Variants in KLHL42 observed in about 807,000 individuals in gnomAD.
KLHL42 encodes the protein kelch like family member 42.
KLHL42 carries 27 observed loss-of-function variants against 32.7 expected under a neutral mutation model. The observed-to-expected ratio is 0.83, with a 90% CI of 0.61 to 1.14. The LOEUF is 1.14. Ranked by LOEUF, KLHL42 falls within the 50% of genes most tolerant of loss-of-function variation. The pLI is 0.00. For missense variants in KLHL42, 491 were observed against 560.8 expected, an observed-to-expected ratio of 0.88 and a Z score of 1.26; for synonymous variants, 267 against 248.2, an observed-to-expected ratio of 1.08 and a Z score of -0.71.
rs75317474 is a variant in KLHL42, at chr12:27,780,772, G to A, written c.442G>A (p.Ala148Thr). 2 of 1,611,906 alleles carry A rather than the reference G, an allele frequency of 1.2e-6. No individual in the cohort carries two copies. The change falls in exon 1 of 3, where the codon GCC becomes ACC. Residue 148 changes from alanine to threonine, a missense_variant. Ala to Thr is a moderately conservative substitution (Grantham distance 58). This residue lies in a region of KLHL42 where 248 missense variants were observed against 329.2 expected (regional missense o/e 0.75). Coordinates refer to ENST00000381271, the MANE Select transcript of KLHL42 (RefSeq NM_020782.2). The surrounding 1 kb of genome is among the most constrained non-coding windows in gnomAD (Gnocchi z 8.8). Reference protein sequence around the residue: ...QVYGLPDLQEACLRFMVVHFH... With the variant: ...QVYGLPDLQETCLRFMVVHFH... ...GTACGGGCTGCCCGACCTGCAGGAG[G>A]CCTGCCTGCGCTTCATGGTCGTCCA...
rs952180996 is a variant in KLHL42 at position 27,799,287 on chromosome 12, T to C, written c.*1121T>C. 1.3e-5 allele frequency: 2 copies of C among 152,222 alleles called. No homozygotes were observed. Among genetic ancestry groups the C allele is most frequent in the African/African-American group, 2.4e-5 (1 of 41,450 alleles). The allele number at this position is 152,222 out of a possible 1,614,324, so 9.4% of individuals were successfully genotyped here. Reference sequence around the variant, plus strand: ...GTGCTTTACTTGCCTTGGTTGTTAATTGAAATAGAATTCAGCTCAAGCAGT... The same window carrying C: ...GTGCTTTACTTGCCTTGGTTGTTAACTGAAATAGAATTCAGCTCAAGCAGT... On this transcript the variant is annotated 3_prime_UTR_variant, in exon 3 of 3. Coordinates refer to ENST00000381271, the MANE Select transcript of KLHL42 (RefSeq NM_020782.2).
At chr12:27,787,494 C>CA (rs552199790) in intron 1 of KLHL42, 125 of 113,406 alleles carry the variant, frequency 1.1e-3, no homozygotes, top group East Asian at 6.2e-3. Context: ...GACTTTGTCT[C>CA]AAAAAAAAAA....
rs2062241164 is a variant in KLHL42, at chr12:27,800,388, T to C, written c.*2222T>C. The C allele has an allele frequency of 1.5e-5, 14 of 964,748 alleles. No individual in the cohort carries two copies. Among genetic ancestry groups the C allele is most frequent in the Non-Finnish European group, 1.7e-5 (14 of 811,576 alleles). The allele number at this position is 964,748 out of a possible 1,614,324, so 59.8% of individuals were successfully genotyped here. A position where few individuals can be genotyped will look rare whatever the true frequency, so the allele number is the denominator to read the frequency against. ...TGTGTGTGTGTATGTTTGCATATTA[T>C]AGCTCTCTTTAAGACAGACATCTAA... On this transcript the variant is annotated 3_prime_UTR_variant, in exon 3 of 3. Transcript: ENST00000381271.
chr12:27,786,974 C>T (rs1054963366), intron 1 of KLHL42, among the ~76,000 whole-genome samples: 2 of 151,774 alleles, frequency 1.3e-5, no homozygotes, highest in Non-Finnish European at 2.9e-5. Flanking sequence ...ATCTGCCTGC[C>T]TTGGCCTCCC....
chr12:27,787,147 C>T (rs909160876), intron 1 of KLHL42, among the ~76,000 whole-genome samples: 9 of 152,080 alleles, frequency 5.9e-5, no homozygotes, highest in African/African-American at 2.2e-4. Flanking sequence ...GCCTGATGGT[C>T]TGAACGTGGG....
In KLHL42 at chr12:27,800,715, AAAAAAAG is replaced by A. The variant is rs1459320799; in HGVS notation, c.*2561_*2567del. On this transcript the variant is annotated 3_prime_UTR_variant, in exon 3 of 3. Transcript: ENST00000381271. ...AGTGCAAGACTCTGTCTCCAAAAAA[AAAAAAAG>A]AAAAAAGAAAATCCCCCTTCATCCC... The A allele has an allele frequency of 6.5e-6, 1 of 152,762 alleles. No homozygotes were observed. Among genetic ancestry groups the A allele is most frequent in the East Asian group, 1.9e-4 (1 of 5,228 alleles). The allele number at this position is 152,762 out of a possible 1,614,324, so 9.5% of individuals were successfully genotyped here.
rs754758733 is a variant in KLHL42 at position 27,798,489 on chromosome 12, T to C, written c.*323T>C. The C allele has an allele frequency of 3.8e-5, 10 of 266,490 alleles. No homozygotes were observed. Among genetic ancestry groups the C allele is most frequent in the Non-Finnish European group, 6.4e-5 (9 of 139,754 alleles). 16.5% of individuals were successfully genotyped at this position (266,490 alleles called of 1,614,324 possible). A position where few individuals can be genotyped will look rare whatever the true frequency, so the allele number is the denominator to read the frequency against. On this transcript the variant is annotated 3_prime_UTR_variant, in exon 3 of 3. Transcript: ENST00000381271. ...TGTGGTAAAGGGCCAAAGTCAATAA[T>C]TGGGACAAATGGTAAAGATGATTTT... is the stretch of plus-strand genomic sequence containing the variant.
At chr12:27,785,774 A>G (rs1256169429) in intron 1 of KLHL42, among the ~76,000 whole-genome samples, 1 of 152,210 alleles carries the variant, frequency 6.6e-6, no homozygotes, top group African/African-American at 2.4e-5. Context: ...AAGATGTCCA[A>G]TAATAATAGG....
chr12:27,788,681 C>T (rs1445518702), intron 1 of KLHL42, among the ~76,000 whole-genome samples: 4 of 152,128 alleles, frequency 2.6e-5, no homozygotes, highest in Non-Finnish European at 5.9e-5. Flanking sequence ...GGCAATGAAA[C>T]GAGACCCTGT....
intron 2 of KLHL42, among the ~76,000 whole-genome samples, chr12:27,796,185 G>A (rs1052283397): frequency 6.6e-6 from 1 of 152,334 alleles, no homozygotes; most frequent in South Asian, 2.1e-4. Flanking sequence ...GGACATGTGC[G>A]CGCACAGGAC....
chr12:27,793,979 T>A (rs189414821), intron 2 of KLHL42, among the ~76,000 whole-genome samples: 1 of 152,324 alleles, frequency 6.6e-6, no homozygotes, highest in East Asian at 1.9e-4. Flanking sequence ...AGAAATTCCT[T>A]CCACCATATC....
At position 27,780,630 on chromosome 12, in the gene KLHL42, C is replaced by T. The variant is rs1375018328; in HGVS notation, c.300C>T (p.Ser100=). 1.3e-6 allele frequency: 2 copies of T among 1,568,824 alleles called. No individual in the cohort carries two copies. Among genetic ancestry groups the T allele is most frequent in the African/African-American group, 2.7e-5 (2 of 74,354 alleles). Residue 100 remains serine, a synonymous_variant, in exon 1 of 3, where the codon AGC becomes AGT. Transcript: ENST00000381271. This position sits in a 1 kb window ranked among gnomAD's most constrained non-coding sequence, Gnocchi z 8.8. ...AGGACGAGGAGATGGATGAGGTGAG[C>T]CTGCTGTCCGAGCTGGTGGAGGCGG... The part of the protein sequence containing the change: ...VDEDEEMDEV[S]LLSELVEAAS...
Position 27,781,149 on chromosome 12 carries a change from C to T in KLHL42, c.819C>T (p.Ser273=). The change falls in exon 1 of 3, where the codon TCC becomes TCT. Residue 273 remains serine, a synonymous_variant. Transcript: ENST00000381271. ...GCCAGGAGATCTCCGCTGCGCATTC[C>T]TACAACCCCAGCACCAACGAGTGGC... ...ITSQEISAAH[S]YNPSTNEWLQ... 6.2e-7 allele frequency: 1 copy of T among 1,614,080 alleles called. No homozygotes were observed. Among genetic ancestry groups the T allele is most frequent in the Non-Finnish European group, 8.5e-7 (1 of 1,180,032 alleles).
Position 27,780,756 on chromosome 12 carries a change from G to A in KLHL42, c.426G>A (p.Leu142=). Reference sequence around the variant, plus strand: ...ACCGCCTGGCGCAGGTGTACGGGCTGCCCGACCTGCAGGAGGCCTGCCTGC... The same window carrying A: ...ACCGCCTGGCGCAGGTGTACGGGCTACCCGACCTGCAGGAGGCCTGCCTGC... ...EMYRLAQVYG[L]PDLQEACLRF... is the part of the protein sequence containing the mutation. Residue 142 remains leucine, a synonymous_variant, in exon 1 of 3, where the codon CTG becomes CTA. Transcript: ENST00000381271. This position sits in a 1 kb window ranked among gnomAD's most constrained non-coding sequence, Gnocchi z 8.8. The A allele has an allele frequency of 6.2e-7, 1 of 1,613,282 alleles. No homozygotes were observed. The highest frequency in any genetic ancestry group is 8.5e-7 in the Non-Finnish European group (1 of 1,180,018).
intron 1 of KLHL42, among the ~76,000 whole-genome samples, chr12:27,788,966 A>G (rs2062185090): frequency 6.6e-6 from 1 of 152,206 alleles, no homozygotes; most frequent in South Asian, 2.1e-4. Flanking sequence ...TACCTTTACC[A>G]TTCAGGAGGT....
intron 1 of KLHL42, among the ~76,000 whole-genome samples, chr12:27,788,405 C>T (rs1350258219): frequency 6.6e-6 from 1 of 152,210 alleles, no homozygotes; most frequent in African/African-American, 2.4e-5. Context: ...TAATTACCTT[C>T]CACATAATCA....
rs759269223 is a variant in KLHL42, at chr12:27,791,953, C to T, written c.1066+52C>T. 1.4e-5 allele frequency: 22 copies of T among 1,523,056 alleles called. No homozygotes were observed. The South Asian group carries it at 2.3e-4, about 16-fold the overall frequency. The allele number at this position is 1,523,056 out of a possible 1,614,324, so 94.3% of individuals were successfully genotyped here. ...CTGCCCATGTGTAGGCGTCAGCAGT[C>T]TGGGAAGGGCAAGAGGGTGTCAGAG... On this transcript the variant is annotated intron_variant, in intron 2 of 2. Transcript: ENST00000381271.
intron 1 of KLHL42, among the ~76,000 whole-genome samples, chr12:27,782,452 C>G (rs1331889073): frequency 1.3e-5 from 2 of 152,152 alleles, no homozygotes; most frequent in Non-Finnish European, 1.5e-5. Flanking sequence ...TTCCTGCCAG[C>G]CCATTTTTAA....
chr12:27,785,796 C>T (rs770404572), intron 1 of KLHL42, among the ~76,000 whole-genome samples: 4 of 152,168 alleles, frequency 2.6e-5, no homozygotes, highest in Non-Finnish European at 2.9e-5. Flanking sequence ...GCTTAAAATA[C>T]GTGTTTTCTT....
Sources: gnomAD v4.1 joint callset for allele counts (sites outside exome capture counted in the v4.1 genomes callset) on GRCh38, gnomAD v4.1.1 for gene constraint, gnomAD v4.1.1 regional missense constraint, Gnocchi (gnomAD v3.1) non-coding constraint, MANE v1.5 for transcripts, NCBI Gene and HGNC (gene_info 2026-07-23, HGNC 2026-07-21) for gene names.